ERBB4: variants seen among roughly 807,000 people sequenced by gnomAD.
ERBB4 encodes erb-b2 receptor tyrosine kinase 4.
A neutral mutation model predicts 158.0 loss-of-function variants in ERBB4; 42 were observed. That is an observed-to-expected ratio of 0.27 (90% CI 0.21 to 0.34). The LOEUF is 0.34. Among genes scored for constraint, ERBB4 ranks in the 10% least tolerant of loss-of-function variants. The pLI is 1.00. For synonymous variants in ERBB4, 583 were observed against 558.7 expected, an observed-to-expected ratio of 1.04 and a Z score of -0.61; for missense variants, 1,333 against 1,624.1, an observed-to-expected ratio of 0.82 and a Z score of 3.08.
intron 1 of ERBB4, among the ~76,000 whole-genome samples, chr2:212,415,669 TATA>T (rs1320921806): frequency 2.6e-5 from 4 of 152,106 alleles, no homozygotes; most frequent in African/African-American, 9.7e-5. Flanking sequence ...ATTGATATAC[TATA>T]ATATTTTATG....
At chr2:212,238,096 T>C (rs1285238118) in intron 1 of ERBB4, among the ~76,000 whole-genome samples, 1 of 152,194 alleles carries the variant, frequency 6.6e-6, no homozygotes, top group Non-Finnish European at 1.5e-5. Context: ...CGGTTCTGTC[T>C]TGCTGGTGTT....
intron 20 of ERBB4, among the ~76,000 whole-genome samples, chr2:211,522,737 A>G (rs1323186096): frequency 6.6e-6 from 1 of 152,158 alleles, no homozygotes. Context: ...GACTCACTAA[A>G]GGCTTAGACG....
At chr2:212,476,907 A>G (rs569751517) in intron 1 of ERBB4, among the ~76,000 whole-genome samples, 23 of 152,224 alleles carry the variant, frequency 1.5e-4, no homozygotes, top group African/African-American at 4.8e-4. Flanking sequence ...TCTATATAGA[A>G]TTATGAAGAT....
chr2:211,791,966 A>G (rs2105865375), intron 3 of ERBB4, among the ~76,000 whole-genome samples: 1 of 151,856 alleles, frequency 6.6e-6, no homozygotes, highest in South Asian at 2.1e-4. Flanking sequence ...ATAGCATAGT[A>G]TTTGTAGCTG....
chr2:211,590,877 T>C lies in ERBB4; in HGVS notation c.2301+28300A>G, dbSNP rs2068440293. Among the ~76,000 whole-genome samples the C allele has an allele frequency of 2.6e-5, 4 of 152,342 alleles. No homozygotes were observed. In the South Asian group the frequency reaches 8.3e-4, roughly 32 times the overall value. On this transcript the variant is annotated intron_variant, in intron 19 of 27. Coordinates refer to ENST00000342788, the MANE Select transcript of ERBB4 (RefSeq NM_005235.3). ...GGAGAGGTTTCTGTTAAATGAAAAC[T>C]TGCTATCTTGTTATGCAACAGGAAG... is the stretch of plus-strand genomic sequence containing the variant.
At position 211,624,018 on chromosome 2, in the gene ERBB4, G is replaced by A. The variant is rs2069737621; in HGVS notation, c.2106C>T (p.Gly702=). The A allele has an allele frequency of 2.5e-6, 4 of 1,613,962 alleles. No individual in the cohort carries two copies. The highest frequency in any genetic ancestry group is 1.7e-5 in the Admixed American group (1 of 59,992). ...GAAGTTGAGCTTGATTGGGTGCTGT[G>A]CCACTGGGAGTTAATGGTTCCACCA... ...TELVEPLTPS[G]TAPNQAQLRI... The change falls in exon 18 of 28, where the codon GGC becomes GGT. Residue 702 remains glycine (G), a synonymous_variant. Coordinates refer to ENST00000342788, the MANE Select transcript of ERBB4 (RefSeq NM_005235.3).
intron 20 of ERBB4, among the ~76,000 whole-genome samples, chr2:211,484,047 C>T (rs1255915738): frequency 2.0e-5 from 3 of 152,116 alleles, no homozygotes; most frequent in Non-Finnish European, 4.4e-5. Context: ...GTATATCTCA[C>T]AAGAAATGTT....
intron 20 of ERBB4, among the ~76,000 whole-genome samples, chr2:211,457,162 A>G (rs2125493044): frequency 6.6e-6 from 1 of 152,292 alleles, no homozygotes; most frequent in Admixed American, 6.5e-5. Context: ...TCTTCACACT[A>G]TACCATGTGA....
chr2:212,287,077 T>A (rs1167618774), intron 1 of ERBB4, among the ~76,000 whole-genome samples: 1 of 151,868 alleles, frequency 6.6e-6, no homozygotes, highest in African/African-American at 2.4e-5. Context: ...GTAGCCCAAA[T>A]GGCACAACCT....
At chr2:212,458,768 G>A (rs947257897) in intron 1 of ERBB4, among the ~76,000 whole-genome samples, 1 of 152,154 alleles carries the variant, frequency 6.6e-6, no homozygotes, top group Non-Finnish European at 1.5e-5. Flanking sequence ...AGTTAAGAAG[G>A]AGAGAAGGAG....
intron 3 of ERBB4, among the ~76,000 whole-genome samples, chr2:211,797,116 A>G (rs990257593): frequency 2.0e-5 from 3 of 152,060 alleles, no homozygotes; most frequent in Admixed American, 6.6e-5. Flanking sequence ...ACTCTTTTAC[A>G]TAAAGCTCAC....
At chr2:212,010,297 C>G (rs1283301632) in intron 2 of ERBB4, among the ~76,000 whole-genome samples, 1 of 152,128 alleles carries the variant, frequency 6.6e-6, no homozygotes, top group Non-Finnish European at 1.5e-5. Flanking sequence ...ACTATCAAAT[C>G]TAAGCTTCTG....
At chr2:212,327,902 A>T (rs2087935635) in intron 1 of ERBB4, among the ~76,000 whole-genome samples, 1 of 150,790 alleles carries the variant, frequency 6.6e-6, no homozygotes. Flanking sequence ...AGGCATAGAT[A>T]CTCTTTCTGC....
chr2:211,602,423 T>A (rs575732224), intron 19 of ERBB4, among the ~76,000 whole-genome samples: 1 of 152,160 alleles, frequency 6.6e-6, no homozygotes, highest in African/African-American at 2.4e-5. Flanking sequence ...CAGCAGCAGC[T>A]GCTGATCACT....
At chr2:211,832,837 C>G (rs2077253970) in intron 3 of ERBB4, among the ~76,000 whole-genome samples, 1 of 148,730 alleles carries the variant, frequency 6.7e-6, no homozygotes, top group South Asian at 2.1e-4. Flanking sequence ...ATTGAATAAA[C>G]TACATATATA....
intron 2 of ERBB4, among the ~76,000 whole-genome samples, chr2:212,061,935 A>C (rs543766009): frequency 2.0e-5 from 3 of 151,702 alleles, no homozygotes; most frequent in South Asian, 2.1e-4. Context: ...GGGTTTCTCC[A>C]TGTTGGTCAG....
chr2:212,130,645 G>T (rs1198402169), intron 1 of ERBB4, among the ~76,000 whole-genome samples: 1 of 152,110 alleles, frequency 6.6e-6, no homozygotes, highest in Admixed American at 6.5e-5. Context: ...ATTAAAAAAA[G>T]AGAATTACCT....
chr2:212,530,845 A>G (rs13397864), intron 1 of ERBB4, among the ~76,000 whole-genome samples: 292 of 152,304 alleles, frequency 1.9e-3, no homozygotes, highest in African/African-American at 6.8e-3. Context: ...TTACAAGTCT[A>G]ATCTTTGTGG....
At chr2:211,564,316 G>C (rs973436377) in intron 19 of ERBB4, among the ~76,000 whole-genome samples, 3 of 152,100 alleles carry the variant, frequency 2.0e-5, no homozygotes, top group African/African-American at 4.8e-5. Context: ...CAGCGGGAAT[G>C]CTTCAGAGTA....
Sources: gnomAD v4.1 joint callset for allele counts (sites outside exome capture counted in the v4.1 genomes callset) on GRCh38, gnomAD v4.1.1 for gene constraint, MANE v1.5 for transcripts, NCBI Gene and HGNC (gene_info 2026-07-23, HGNC 2026-07-21) for gene names.